The following MEF2B variants were observed in gnomAD, a reference collection of about 807,000 sequenced individuals.
MEF2B encodes myocyte-specific enhancer factor 2B.
In MEF2B, 15 loss-of-function variants were observed where a neutral mutation model predicts 32.2. The ratio of observed to expected loss-of-function variants is 0.47; its 90% confidence interval spans 0.31 to 0.72. MEF2B has a LOEUF of 0.72. Ranked by LOEUF, MEF2B falls within the 30% of genes least tolerant of loss-of-function variation. The pLI, the probability that MEF2B is intolerant of heterozygous loss-of-function variation, is 0.05. For synonymous variants in MEF2B, 205 were observed against 225.6 expected (o/e 0.91, Z 0.82); for missense variants, 441 against 511.5 (o/e 0.86, Z 1.33).
At chr19:19,163,249 G>A (rs765368228) in intron 1 of MEF2B, among the ~76,000 whole-genome samples, 3 of 151,876 alleles carry the variant, frequency 2.0e-5, no homozygotes, top group African/African-American at 7.3e-5. Flanking sequence ...TGGCCCTCCC[G>A]GACTCAAGCG....
intron 1 of MEF2B, among the ~76,000 whole-genome samples, chr19:19,166,596 T>TA (rs1166234481): frequency 2.1e-5 from 1 of 47,226 alleles, no homozygotes; most frequent in Non-Finnish European, 4.5e-5. Context: ...CCATCTCCAA[T>TA]TAAAAAAAAA....
chr19:19,169,796 A>T (rs2146392172), intron 1 of MEF2B, among the ~76,000 whole-genome samples: 1 of 152,256 alleles, frequency 6.6e-6, no homozygotes, highest in South Asian at 2.1e-4. Flanking sequence ...CACAGCAAGA[A>T]GGCATAGGGT....
chr19:19,161,811 G>T (rs1437086255), intron 1 of MEF2B, among the ~76,000 whole-genome samples: 100 of 137,560 alleles, frequency 7.3e-4, no homozygotes, highest in African/African-American at 2.2e-3. Flanking sequence ...CTTCTTTTTT[G>T]TTTTTTTTTT....
At chr19:19,147,951 G>C in intron 3 of MEF2B, 119 bp from the exon 4 acceptor site, 2 of 1,449,166 alleles carry the variant, frequency 1.4e-6, no homozygotes, top group Non-Finnish European at 1.8e-6. Flanking sequence ...AGGAATGCAG[G>C]CATGGCCTGC....
chr19:19,151,965 T>TG (rs1021845356), intron 1 of MEF2B, among the ~76,000 whole-genome samples: 7 of 149,978 alleles, frequency 4.7e-5, no homozygotes, highest in African/African-American at 1.7e-4. Flanking sequence ...TCTATTTTTT[T>TG]TTTTTTTTTT....
Position 19,145,759 on chromosome 19 carries a change from C to A in MEF2B, c.*38G>T, listed in dbSNP as rs759032416. 1.3e-6 allele frequency: 2 copies of A among 1,555,902 alleles called. No individual in the cohort carries two copies. Among genetic ancestry groups the A allele is most frequent in the Admixed American group, 2.0e-5 (1 of 51,162 alleles). ...GGGTCCCCACGTGCCCTCGCCGTAC[C>A]TGGCGAGCGCTCTGGGCTGGTGCCA... On this transcript the variant is annotated 3_prime_UTR_variant, in exon 9 of 9. Transcript: ENST00000424583. This position sits in a 1 kb window ranked among gnomAD's most constrained non-coding sequence, Gnocchi z 4.6.
intron 2 of MEF2B, among the ~76,000 whole-genome samples, chr19:19,150,406 A>G (rs986205040): frequency 2.0e-5 from 3 of 151,940 alleles, no homozygotes; most frequent in African/African-American, 7.3e-5. Flanking sequence ...GCGCACCCGT[A>G]ATCCCAGCTA....
chr19:19,167,878 C>T (rs1253517873), intron 1 of MEF2B, among the ~76,000 whole-genome samples: 1 of 152,140 alleles, frequency 6.6e-6, no homozygotes, highest in African/African-American at 2.4e-5. Flanking sequence ...GCCTTGAGCT[C>T]CATCCTTTTT....
intron 1 of MEF2B, among the ~76,000 whole-genome samples, chr19:19,156,698 C>T (rs143452282): frequency 5.1e-4 from 77 of 152,284 alleles, no homozygotes; most frequent in African/African-American, 1.6e-3. Flanking sequence ...GTCGCCCAGG[C>T]TGGAGTTCAG....
intron 2 of MEF2B, 148 bp from the exon 3 acceptor site, chr19:19,149,577 C>T (rs959501324): frequency 3.5e-6 from 4 of 1,133,856 alleles, no homozygotes; most frequent in Non-Finnish European, 5.0e-6. Context: ...CACAACCTGG[C>T]AAACTCCTAC....
intron 1 of MEF2B, among the ~76,000 whole-genome samples, chr19:19,166,650 T>C (rs2060211179): frequency 6.9e-6 from 1 of 145,960 alleles, no homozygotes; most frequent in Non-Finnish European, 1.5e-5. Context: ...TCCCAGCTAC[T>C]CGGGAGACTG....
At position 19,147,065 on chromosome 19, in the gene MEF2B, C is replaced by G. The variant is rs780635430; in HGVS notation, c.512G>C (p.Arg171Pro). The G allele has an allele frequency of 6.2e-7, 1 of 1,607,388 alleles. No individual in the cohort carries two copies. Among genetic ancestry groups the G allele is most frequent in the Non-Finnish European group, 8.5e-7 (1 of 1,177,830 alleles). ...LPAQSRPSPF[R>P]PAAPKAGPPG... ...GGGCCCGGCTTTGGGGGCTGCTGGT[C>G]GGAAGGGAGATGGGCGGCTCTGGGC... The change falls in exon 5 of 9, where the codon CGA (arginine) becomes CCA (proline). Residue 171 changes from arginine (R) to proline (P), a missense_variant. This residue lies in a region of MEF2B where 326 missense variants were observed against 328.4 expected (regional missense o/e 0.99). Transcript: ENST00000424583.
rs775489836 is a variant in MEF2B at position 19,149,112 on chromosome 19, C to G, written c.258+114G>C. 2.9e-6 allele frequency: 4 copies of G among 1,359,810 alleles called. No individual in the cohort carries two copies. The Admixed American group carries it at 6.3e-5, about 22-fold the overall frequency. 84.2% of individuals were successfully genotyped at this position (1,359,810 alleles called of 1,614,324 possible). A position where few individuals can be genotyped will look rare whatever the true frequency, so the allele number is the denominator to read the frequency against. On this transcript the variant is annotated intron_variant, in intron 3 of 8. Transcript: ENST00000424583. ...TAGGGACAGCAGAAATAAAGCACGT[C>G]AGCCACAAAGCCAGATGAAGACACT... is the stretch of plus-strand genomic sequence containing the variant.
intron 8 of MEF2B, 102 bp downstream of exon 8, chr19:19,146,171 A>C: frequency 1.2e-6 from 1 of 853,166 alleles, no homozygotes; most frequent in Non-Finnish European, 1.7e-6. Context: ...ATAGCTGCCC[A>C]TCCGTACCGG....
At position 19,149,403 on chromosome 19, in the gene MEF2B, C is replaced by T; in HGVS notation, c.81G>A (p.Gly27=). Residue 27 remains glycine, a synonymous_variant, in exon 3 of 9, where the codon GGG becomes GGA. Transcript: ENST00000424583. The part of the protein sequence containing the change: ...RQVTFTKRKF[G]LMKKAYELSV... ...TCAGCTCATAGGCCTTCTTCATCAG[C>T]CCGAACTTCCGCTTGGTGAACGTCA... is the stretch of plus-strand genomic sequence containing the variant. The T allele has an allele frequency of 6.2e-7, 1 of 1,613,996 alleles. No individual in the cohort carries two copies. Among genetic ancestry groups the T allele is most frequent in the Non-Finnish European group, 8.5e-7 (1 of 1,180,026 alleles).
At chr19:19,161,804 CTTTTT>C (rs2060165906) in intron 1 of MEF2B, among the ~76,000 whole-genome samples, 1 of 149,722 alleles carries the variant, frequency 6.7e-6, no homozygotes, top group South Asian at 2.1e-4. Flanking sequence ...TAGCTTTCTT[CTTTTT>C]TGTTTTTTTT....
At position 19,146,133 on chromosome 19, in the gene MEF2B, GGGTGGC is replaced by G. The variant is rs1193347072; in HGVS notation, c.882-117_882-112del. ...GGCAGGAGGACCCTGGGAAAGGAGG[GGGTGGC>G]GGTCCCTCTTGGGGCCTCAAAATAG... is the stretch of plus-strand genomic sequence containing the variant. On this transcript the variant is annotated intron_variant, in intron 8 of 8. Transcript: ENST00000424583. The G allele has an allele frequency of 4.9e-6, 5 of 1,018,942 alleles. No individual in the cohort carries two copies. In the African/African-American group the frequency reaches 8.4e-5, roughly 17 times the overall value. 63.1% of individuals were successfully genotyped at this position (1,018,942 alleles called of 1,614,324 possible).
At chr19:19,166,830 G>A (rs2060212673) in intron 1 of MEF2B, among the ~76,000 whole-genome samples, 2 of 152,126 alleles carry the variant, frequency 1.3e-5, no homozygotes, top group South Asian at 2.1e-4. Context: ...TTGGAAGGCC[G>A]AGGTGGGCTG....
At chr19:19,150,869 A>C in intron 1 of MEF2B, 105 bp from the exon 2 acceptor site, 1 of 1,376,066 alleles carries the variant, frequency 7.3e-7, no homozygotes, top group Non-Finnish European at 1.0e-6. Flanking sequence ...CACTGAGAGG[A>C]AGATGATGGG....
Sources: allele counts gnomAD v4.1 joint callset (sites outside exome capture counted in the v4.1 genomes callset), GRCh38; gene constraint gnomAD v4.1.1; regional missense constraint gnomAD v4.1.1; non-coding constraint Gnocchi (gnomAD v3.1); transcripts MANE v1.5; gene names NCBI Gene and HGNC (gene_info 2026-07-23, HGNC 2026-07-21).